The following ACTR3B variants were observed in gnomAD, a reference collection of about 807,000 sequenced individuals.
The protein encoded by ACTR3B is actin related protein 3B, also known as actin-related protein 3B.
A neutral mutation model predicts 59.0 loss-of-function variants in ACTR3B; 8 were observed. The observed-to-expected ratio is 0.14, with a 90% CI of 0.08 to 0.24. The LOEUF (loss-of-function observed/expected upper bound fraction) is 0.24. Ranked by LOEUF, ACTR3B falls within the 10% of genes least tolerant of loss-of-function variation. ACTR3B has a pLI of 1.00. For missense variants in ACTR3B, 245 were observed against 552.3 expected (o/e 0.44, Z 5.58); for synonymous variants, 148 against 197.9 (o/e 0.75, Z 2.12).
intron 9 of ACTR3B, among the ~76,000 whole-genome samples, chr7:152,842,130 A>C (rs1259648230): frequency 6.6e-6 from 1 of 152,222 alleles, no homozygotes. Context: ...TCCATGGGGC[A>C]TGCGTCCCAA....
chr7:152,767,149 G>A (rs1010403425), intron 1 of ACTR3B, among the ~76,000 whole-genome samples: 5 of 149,496 alleles, frequency 3.3e-5, no homozygotes, highest in Admixed American at 1.3e-4. Flanking sequence ...TAATTCATTT[G>A]GAATTTATCC....
chr7:152,820,770 G>A (rs370980243), intron 7 of ACTR3B, among the ~76,000 whole-genome samples: 10 of 152,238 alleles, frequency 6.6e-5, no homozygotes, highest in South Asian at 2.1e-4. Context: ...TCCATGCTTC[G>A]CTGTAGAATC....
intron 1 of ACTR3B, among the ~76,000 whole-genome samples, chr7:152,771,795 G>C (rs1044054271): frequency 1.1e-4 from 16 of 152,190 alleles, no homozygotes; most frequent in African/African-American, 3.9e-4. Flanking sequence ...TGAAAGATAG[G>C]CCGGGCACGG....
rs2689490 is a variant in ACTR3B, at chr7:152,780,148, T to C, written c.45-3039T>C. Among the ~76,000 whole-genome samples, 148 of 151,948 alleles carry C rather than the reference T, an allele frequency of 9.7e-4. No homozygotes were observed. In the East Asian group the frequency reaches 0.014, roughly 14 times the overall value. On this transcript the variant is annotated intron_variant, in intron 1 of 11. Transcript: ENST00000256001. ...CAGGCAGATCACAAGGTCAGGAGTT[T>C]GAGACCAGCTTGGCCAACATGGTGA...
At chr7:152,841,516 A>C (rs560213601) in intron 9 of ACTR3B, among the ~76,000 whole-genome samples, 1 of 152,132 alleles carries the variant, frequency 6.6e-6, no homozygotes, top group Admixed American at 6.5e-5. Context: ...ACTGGTTCAC[A>C]TGAGAATTTC....
rs543090720 is a variant in ACTR3B, at chr7:152,820,355, T to G, written c.597T>G (p.Asp199Glu). Residue 199 changes from aspartate to glutamate, a missense_variant, in exon 7 of 12, where the codon GAT becomes GAG. Physicochemically the swap from Asp to Glu is conservative, Grantham distance 45. This residue lies in a region of ACTR3B where 12 missense variants were observed against 68.7 expected (regional missense o/e 0.17). Coordinates refer to ENST00000256001, the MANE Select transcript of ACTR3B (RefSeq NM_020445.6). The part of the protein sequence containing the change: ...CIKHIPIAGR[D>E]ITYFIQQLLR... ...AACACATCCCGATTGCAGGTAGAGA[T>G]ATTACGTATTTCATTCAACAGCTGC... 1 of 1,610,462 alleles carries G rather than the reference T, an allele frequency of 6.2e-7. No homozygotes were observed. The highest frequency in any genetic ancestry group is 1.3e-5 in the African/African-American group (1 of 74,992).
chr7:152,801,772 C>A lies in ACTR3B; in HGVS notation c.336+41C>A, dbSNP rs1021982323. The A allele has an allele frequency of 4.3e-6, 3 of 697,460 alleles. No homozygotes were observed. In the African/African-American group the frequency reaches 5.5e-5, roughly 13 times the overall value. 43.2% of individuals were successfully genotyped at this position (697,460 alleles called of 1,614,324 possible). A position where few individuals can be genotyped will look rare whatever the true frequency, so the allele number is the denominator to read the frequency against. On this transcript the variant is annotated intron_variant, in intron 4 of 11. Coordinates refer to ENST00000256001, the MANE Select transcript of ACTR3B (RefSeq NM_020445.6). Reference sequence around the variant, plus strand: ...TAAGAGGAATATATTCCTGTAAATTCCAAATTGCTTAGATTTTAAACTGAA... The same window carrying A: ...TAAGAGGAATATATTCCTGTAAATTACAAATTGCTTAGATTTTAAACTGAA...
rs112351899 is a variant in ACTR3B at position 152,796,878 on chromosome 7, T to G, written c.101-3653T>G. Among the ~76,000 whole-genome samples the G allele has an allele frequency of 3.6e-3, 425 of 117,398 alleles. 9 individuals are homozygous for G. The highest frequency in any genetic ancestry group is 0.012 in the African/African-American group (350 of 29,572). The allele number at this position is 117,398 out of a possible 152,430, so 77.0% of individuals were successfully genotyped here. A position where few individuals can be genotyped will look rare whatever the true frequency, so the allele number is the denominator to read the frequency against. On this transcript the variant is annotated intron_variant, in intron 2 of 11. Coordinates refer to ENST00000256001, the MANE Select transcript of ACTR3B (RefSeq NM_020445.6). ...TTTTTGTGTTTTTTTTTTTTTTTTT[T>G]TTTTTTTTTTTTTTTTTTTTGTAGA...
intron 1 of ACTR3B, among the ~76,000 whole-genome samples, chr7:152,761,018 CT>C (rs1438659655): frequency 2.6e-5 from 4 of 152,086 alleles, no homozygotes; most frequent in African/African-American, 9.7e-5. Context: ...CCTTGACAAC[CT>C]TGTGGGGGTG....
intron 9 of ACTR3B, among the ~76,000 whole-genome samples, chr7:152,828,900 C>T (rs998337097): frequency 1.3e-5 from 2 of 152,174 alleles, no homozygotes; most frequent in African/African-American, 4.8e-5. Flanking sequence ...CTCTCTCCCT[C>T]TGCCACACCT....
chr7:152,760,062 C>T (rs1383783790), intron 1 of ACTR3B, 136 bp downstream of exon 1: 13 of 727,598 alleles, frequency 1.8e-5, no homozygotes, highest in South Asian at 5.8e-5. Flanking sequence ...GGTGGGGCGC[C>T]GGCCGCCGCT....
intron 2 of ACTR3B, among the ~76,000 whole-genome samples, chr7:152,789,953 C>T (rs1282696917): frequency 2.3e-5 from 3 of 131,290 alleles, no homozygotes; most frequent in Admixed American, 7.3e-5. Context: ...CAAAGCTTTT[C>T]TGTTATTGAG....
At chr7:152,813,030 C>T (rs1311175068) in intron 4 of ACTR3B, 3 of 92,178 alleles carry the variant, frequency 3.3e-5, no homozygotes, top group East Asian at 3.1e-4. Flanking sequence ...CCTGTGTGAG[C>T]GTAGAGTGGG....
chr7:152,849,232 A>G (rs893161327), intron 9 of ACTR3B, among the ~76,000 whole-genome samples: 8 of 152,206 alleles, frequency 5.3e-5, no homozygotes, highest in Admixed American at 2.6e-4. Context: ...TCATGATCAG[A>G]TAGTCCCCGT....
chr7:152,845,012 T>C (rs1336234211), intron 9 of ACTR3B, among the ~76,000 whole-genome samples: 4 of 148,320 alleles, frequency 2.7e-5, no homozygotes, highest in Non-Finnish European at 6.0e-5. Flanking sequence ...CATACAGTGG[T>C]CGACCTGGTT....
At chr7:152,815,935 T>G (rs1451430370) in intron 5 of ACTR3B, among the ~76,000 whole-genome samples, 1 of 151,542 alleles carries the variant, frequency 6.6e-6, no homozygotes, top group Non-Finnish European at 1.5e-5. Context: ...AAACTTTAGT[T>G]TTTTTTTTTT....
intron 3 of ACTR3B, among the ~76,000 whole-genome samples, 192 bp from the exon 4 acceptor site, chr7:152,801,425 TGGAG>T (rs1460146972): frequency 1.3e-5 from 2 of 152,020 alleles, no homozygotes; most frequent in Non-Finnish European, 2.9e-5. Flanking sequence ...TGGAAATGAG[TGGAG>T]GAGAATATGA....
chr7:152,792,964 C>CT (rs371106372), intron 2 of ACTR3B, among the ~76,000 whole-genome samples: 4,127 of 128,022 alleles, frequency 0.032, 56 homozygotes, highest in East Asian at 0.09. Context: ...GTTGTGGTAC[C>CT]TTTTTTTTTG....
chr7:152,810,524 C>T (rs187960745), intron 4 of ACTR3B, among the ~76,000 whole-genome samples: 1,781 of 151,810 alleles, frequency 0.012, 31 homozygotes, highest in African/African-American at 0.04. Context: ...GCCTCGACCT[C>T]CTGGGCTGGA....
Sources: allele counts gnomAD v4.1 joint callset (sites outside exome capture counted in the v4.1 genomes callset), GRCh38; gene constraint gnomAD v4.1.1; regional missense constraint gnomAD v4.1.1; transcripts MANE v1.5; gene names NCBI Gene and HGNC (gene_info 2026-07-23, HGNC 2026-07-21).